Variants in DENND5A observed in about 807,000 individuals in gnomAD.
The protein encoded by DENND5A is DENN domain-containing protein 5A.
In DENND5A, 64 loss-of-function variants were observed where a neutral mutation model predicts 140.3. That is an observed-to-expected ratio of 0.46 (90% CI 0.37 to 0.56). The LOEUF (loss-of-function observed/expected upper bound fraction) is 0.56. Ranked by LOEUF, DENND5A falls within the 20% of genes least tolerant of loss-of-function variation. DENND5A has a pLI of 0.00. For synonymous variants in DENND5A, 605 were observed against 607.7 expected, an observed-to-expected ratio of 1.00 and a Z score of 0.07; for missense variants, 1,292 against 1,593.8, an observed-to-expected ratio of 0.81 and a Z score of 3.22.
intron 15 of DENND5A, among the ~76,000 whole-genome samples, chr11:9,147,473 C>T (rs1369798640): frequency 6.6e-6 from 1 of 152,350 alleles, no homozygotes; most frequent in South Asian, 2.1e-4. Flanking sequence ...AAGGATGACA[C>T]AGGTCTTCTC....
chr11:9,152,377 T>A lies in DENND5A; in HGVS notation c.2502A>T (p.Ser834=). 6.2e-7 allele frequency: 1 copy of A among 1,613,206 alleles called. No individual in the cohort carries two copies. Among genetic ancestry groups the A allele is most frequent in the Non-Finnish European group, 8.5e-7 (1 of 1,179,130 alleles). Residue 834 remains serine (S), a synonymous_variant, in exon 13 of 23, where the codon TCA becomes TCT. Transcript: ENST00000328194. ...TCTTACCTGAGGTACTGAGGCTTCCTGATGTGAGTTTTCTCTGCCGGTTGT... is the reference window on the plus strand; with the variant it reads ...TCTTACCTGAGGTACTGAGGCTTCCAGATGTGAGTTTTCTCTGCCGGTTGT... The part of the protein sequence containing the change: ...YQDNRQRKLT[S]GSLSTSGILL...
intron 1 of DENND5A, among the ~76,000 whole-genome samples, chr11:9,213,001 A>AT (rs71062814): frequency 0.23 from 29,526 of 126,228 alleles, 4,055 homozygotes; most frequent in Non-Finnish European, 0.3. Flanking sequence ...CCTGGTTCTG[A>AT]TTTTTTTTTT....
At chr11:9,150,308 A>G in intron 14 of DENND5A, 99 bp from the exon 15 acceptor site, 2 of 1,395,834 alleles carry the variant, frequency 1.4e-6, no homozygotes, top group Non-Finnish European at 2.0e-6. Flanking sequence ...GCTGAGACAG[A>G]CTTATCTCAC....
chr11:9,237,869 C>T (rs1433607715), intron 1 of DENND5A, among the ~76,000 whole-genome samples: 6 of 152,018 alleles, frequency 3.9e-5, no homozygotes, highest in Non-Finnish European at 8.8e-5. Context: ...GGCGACAGAG[C>T]GAGGCTCCAT....
At chr11:9,178,512 AAC>A in intron 7 of DENND5A, 146 bp from the exon 8 acceptor site, 13 of 622,230 alleles carry the variant, frequency 2.1e-5, no homozygotes, top group Non-Finnish European at 3.1e-5. Flanking sequence ...AAAAAAAAAA[AAC>A]CCACTCATGT....
chr11:9,244,305 A>G (rs1432218969), intron 1 of DENND5A, among the ~76,000 whole-genome samples: 2 of 152,246 alleles, frequency 1.3e-5, no homozygotes, highest in African/African-American at 4.8e-5. Context: ...ACAGGTGATT[A>G]GGCCATGAGA....
At chr11:9,238,780 G>T (rs538186785) in intron 1 of DENND5A, among the ~76,000 whole-genome samples, 24 of 151,068 alleles carry the variant, frequency 1.6e-4, no homozygotes, top group Non-Finnish European at 3.0e-4. Context: ...CCTAATTCCA[G>T]ATAAAGGGAT....
intron 2 of DENND5A, 30 bp from the exon 3 acceptor site, chr11:9,206,812 T>TA (rs767124171): frequency 6.7e-7 from 1 of 1,481,756 alleles, no homozygotes. Context: ...GTAAATCATT[T>TA]CTACAAAATC....
At chr11:9,236,222 C>CAAA (rs140163795) in intron 1 of DENND5A, among the ~76,000 whole-genome samples, 1 of 88,028 alleles carries the variant, frequency 1.1e-5, no homozygotes, top group Admixed American at 1.3e-4. Flanking sequence ...GACCCTGTCT[C>CAAA]AAAAAAAAAA....
At chr11:9,183,707 C>A (rs1279442679) in intron 5 of DENND5A, among the ~76,000 whole-genome samples, 2 of 152,120 alleles carry the variant, frequency 1.3e-5, no homozygotes, top group Non-Finnish European at 2.9e-5. Context: ...CCACACCCAG[C>A]CAGGTTTTTA....
intron 1 of DENND5A, among the ~76,000 whole-genome samples, chr11:9,264,367 G>A (rs1180784427): frequency 6.6e-6 from 1 of 152,020 alleles, no homozygotes; most frequent in South Asian, 2.1e-4. Flanking sequence ...ATGGCCCCGG[G>A]ATACAAGCCC....
At chr11:9,154,907 T>C (rs1212264645) in intron 12 of DENND5A, among the ~76,000 whole-genome samples, 1 of 151,696 alleles carries the variant, frequency 6.6e-6, no homozygotes, top group African/African-American at 2.4e-5. Flanking sequence ...CCCAGCACTT[T>C]GGGAGGCCGA....
intron 17 of DENND5A, 112 bp downstream of exon 17, chr11:9,145,558 G>C: frequency 3.4e-6 from 4 of 1,170,062 alleles, no homozygotes; most frequent in Non-Finnish European, 4.9e-6. Flanking sequence ...CAGCTATGCT[G>C]AAGCATTACA....
At chr11:9,250,631 C>T (rs1255653613) in intron 1 of DENND5A, among the ~76,000 whole-genome samples, 1 of 152,110 alleles carries the variant, frequency 6.6e-6, no homozygotes, top group Non-Finnish European at 1.5e-5. Context: ...AATGGACAAA[C>T]AATTTTATTT....
intron 1 of DENND5A, among the ~76,000 whole-genome samples, chr11:9,208,639 T>A (rs1317123637): frequency 1.3e-5 from 2 of 152,226 alleles, no homozygotes; most frequent in Non-Finnish European, 2.9e-5. Context: ...TTGTCCATCA[T>A]CAGAAGCAGC....
intron 1 of DENND5A, among the ~76,000 whole-genome samples, chr11:9,208,586 C>T (rs1285166980): frequency 6.6e-6 from 1 of 152,230 alleles, no homozygotes; most frequent in Non-Finnish European, 1.5e-5. Flanking sequence ...CAGAAAGTTA[C>T]TGCTTTTATA....
chr11:9,239,935 T>C (rs1467812589), intron 1 of DENND5A, among the ~76,000 whole-genome samples: 1 of 152,234 alleles, frequency 6.6e-6, no homozygotes, highest in Non-Finnish European at 1.5e-5. Context: ...TTTCCACATA[T>C]TAAGTGATTA....
intron 1 of DENND5A, among the ~76,000 whole-genome samples, chr11:9,228,794 G>A (rs1033932486): frequency 2.6e-5 from 4 of 151,958 alleles, no homozygotes; most frequent in African/African-American, 9.7e-5. Context: ...TTGCAGAATG[G>A]TGCACTCAGC....
intron 5 of DENND5A, among the ~76,000 whole-genome samples, chr11:9,190,391 G>A (rs1162971318): frequency 2.6e-5 from 4 of 152,172 alleles, no homozygotes; most frequent in Admixed American, 1.3e-4. Context: ...CCAGTAGGGG[G>A]TAGTTGAATC....
Sources: gnomAD v4.1 joint callset for allele counts (sites outside exome capture counted in the v4.1 genomes callset) on GRCh38, gnomAD v4.1.1 for gene constraint, MANE v1.5 for transcripts, NCBI Gene and HGNC (gene_info 2026-07-23, HGNC 2026-07-21) for gene names.